GSG1L: variants seen among roughly 807,000 people sequenced by gnomAD.
The protein encoded by GSG1L is GSG1 like.
A neutral mutation model predicts 42.1 loss-of-function variants in GSG1L; 24 were observed. That is an observed-to-expected ratio of 0.57 (90% confidence interval 0.41 to 0.80). GSG1L has a LOEUF of 0.80. GSG1L is among the 30% of genes least tolerant of loss of function. The probability of loss-of-function intolerance (pLI) is 0.00; values close to 1 mark genes in which losing one functional copy is unlikely to be tolerated. For synonymous variants in GSG1L, 215 were observed against 203.5 expected (o/e 1.06, Z -0.48); for missense variants, 445 against 472.2 (o/e 0.94, Z 0.53).
chr16:27,871,273 C>A (rs1232517121), intron 3 of GSG1L, among the ~76,000 whole-genome samples: 1 of 152,182 alleles, frequency 6.6e-6, no homozygotes, highest in Non-Finnish European at 1.5e-5. Context: ...CAGCAGAGAA[C>A]AATCTGGTCC....
At chr16:27,872,887 C>T (rs960468871) in intron 3 of GSG1L, among the ~76,000 whole-genome samples, 4 of 152,144 alleles carry the variant, frequency 2.6e-5, no homozygotes, top group African/African-American at 9.7e-5. Flanking sequence ...GAATAATCCT[C>T]CCCTTGGTTT....
chr16:27,804,723 G>C (rs941919651), intron 6 of GSG1L, among the ~76,000 whole-genome samples: 5 of 85,194 alleles, frequency 5.9e-5, no homozygotes, highest in Admixed American at 1.2e-4. Flanking sequence ...ATCAGGGCAG[G>C]GGGCGGATGT....
chr16:27,951,358 A>T (rs2084948693), intron 2 of GSG1L, among the ~76,000 whole-genome samples: 1 of 152,234 alleles, frequency 6.6e-6, no homozygotes, highest in Admixed American at 6.5e-5. Context: ...GAGTGTGACC[A>T]GTATCCTGCC....
intron 2 of GSG1L, among the ~76,000 whole-genome samples, chr16:27,947,384 A>AAAAGAAAGAAAGAAAGAAAGAAAG (rs199991139): frequency 1.1e-3 from 140 of 130,760 alleles, no homozygotes; most frequent in South Asian, 2.5e-3. Context: ...GAAAGAAAGA[A>AAAAGAAAGAAAGAAAGAAAGAAAG]AAAGAAAGAA....
chr16:27,906,032 A>G (rs1380526415), intron 2 of GSG1L, among the ~76,000 whole-genome samples: 1 of 152,178 alleles, frequency 6.6e-6, no homozygotes, highest in Non-Finnish European at 1.5e-5. Context: ...TGGTATTTTT[A>G]AAGATCAGAG....
chr16:28,042,307 A>G (rs1187131208), intron 1 of GSG1L, among the ~76,000 whole-genome samples: 1 of 152,032 alleles, frequency 6.6e-6, no homozygotes, highest in Non-Finnish European at 1.5e-5. Flanking sequence ...GTGGTGGTGC[A>G]CGCCTATAAT....
intron 6 of GSG1L, among the ~76,000 whole-genome samples, chr16:27,797,529 A>C (rs2082831712): frequency 7.0e-6 from 1 of 143,704 alleles, no homozygotes; most frequent in Non-Finnish European, 1.5e-5. Flanking sequence ...ATCTCAAAAA[A>C]AAAAAAAAAA....
chr16:27,962,928 C>T (rs1162856914), intron 2 of GSG1L, among the ~76,000 whole-genome samples: 2 of 152,208 alleles, frequency 1.3e-5, no homozygotes, highest in South Asian at 2.1e-4. Context: ...ACCCTCAGGA[C>T]TACTCTGTCA....
intron 1 of GSG1L, among the ~76,000 whole-genome samples, chr16:28,045,471 T>G (rs2086150475): frequency 6.6e-6 from 1 of 151,320 alleles, no homozygotes; most frequent in African/African-American, 2.4e-5. Context: ...AGGCCAGGAG[T>G]TCAAGACCAG....
chr16:27,935,268 T>C (rs1596625376), intron 2 of GSG1L, among the ~76,000 whole-genome samples: 1 of 152,222 alleles, frequency 6.6e-6, no homozygotes, highest in East Asian at 1.9e-4. Context: ...TCCCCAGGCC[T>C]CTGAGAGCTG....
chr16:27,801,842 C>T (rs1030590353), intron 6 of GSG1L, among the ~76,000 whole-genome samples: 10 of 152,258 alleles, frequency 6.6e-5, no homozygotes, highest in East Asian at 1.9e-4. Context: ...CCTGGGCCTC[C>T]GTTTCCTCGT....
chr16:27,948,686 T>G (rs1452459119), intron 2 of GSG1L, among the ~76,000 whole-genome samples: 1 of 151,248 alleles, frequency 6.6e-6, no homozygotes, highest in African/African-American at 2.4e-5. Context: ...CTTGGCTCAT[T>G]GCAAGCTTCA....
intron 3 of GSG1L, among the ~76,000 whole-genome samples, chr16:27,871,041 A>C (rs117309691): frequency 6.8e-6 from 1 of 147,392 alleles, no homozygotes; most frequent in Non-Finnish European, 1.5e-5. Flanking sequence ...CTAGCCTGGC[A>C]TCCAAGTCCA....
intron 5 of GSG1L, among the ~76,000 whole-genome samples, chr16:27,819,948 G>A (rs956358919): frequency 6.6e-6 from 1 of 152,142 alleles, no homozygotes; most frequent in Non-Finnish European, 1.5e-5. Flanking sequence ...TAGGACGATG[G>A]AAGTGGAGGC....
intron 1 of GSG1L, among the ~76,000 whole-genome samples, chr16:27,987,762 C>T (rs1313361562): frequency 6.6e-6 from 1 of 152,074 alleles, no homozygotes; most frequent in Non-Finnish European, 1.5e-5. Context: ...TCTTGGCCAA[C>T]ATGGTGAAAC....
intron 1 of GSG1L, among the ~76,000 whole-genome samples, chr16:28,028,558 G>C (rs1411791851): frequency 6.6e-6 from 1 of 151,972 alleles, no homozygotes; most frequent in Non-Finnish European, 1.5e-5. Flanking sequence ...ATGGCCAACA[G>C]TTTAAATCCT....
rs894676075 is a variant in GSG1L at position 27,790,961 on chromosome 16, C to A, written c.*409G>T. 2 of 167,688 alleles carry A rather than the reference C, an allele frequency of 1.2e-5. No homozygotes were observed. Among genetic ancestry groups the A allele is most frequent in the Admixed American group, 1.3e-4 (2 of 15,664 alleles). The allele number at this position is 167,688 out of a possible 1,614,324, so 10.4% of individuals were successfully genotyped here. ...CTGTGTGACACCCCTGCAGTGCCTG[C>A]GCCACTGCCCCCTCCTTCAGGAAGC... On this transcript the variant is annotated 3_prime_UTR_variant, in exon 7 of 7. Coordinates refer to ENST00000447459, the MANE Select transcript of GSG1L (RefSeq NM_001109763.2).
intron 5 of GSG1L, among the ~76,000 whole-genome samples, chr16:27,809,250 C>T (rs914759942): frequency 6.6e-6 from 1 of 151,990 alleles, no homozygotes; most frequent in Non-Finnish European, 1.5e-5. Context: ...AAAAAGAAGC[C>T]AGTGCATGCC....
At chr16:27,880,693 C>T (rs977729956) in intron 3 of GSG1L, among the ~76,000 whole-genome samples, 1 of 152,096 alleles carries the variant, frequency 6.6e-6, no homozygotes, top group Admixed American at 6.5e-5. Context: ...AGAGGAGAGT[C>T]CCCCACTTCC....
Sources: gnomAD v4.1 joint callset for allele counts (sites outside exome capture counted in the v4.1 genomes callset) on GRCh38, gnomAD v4.1.1 for gene constraint, MANE v1.5 for transcripts, NCBI Gene and HGNC (gene_info 2026-07-23, HGNC 2026-07-21) for gene names.